Variants in KIAA0513 observed in about 807,000 individuals in gnomAD.
KIAA0513 encodes KIAA0513.
In KIAA0513, 39 loss-of-function variants were observed where a neutral mutation model predicts 56.5. That is an observed-to-expected ratio of 0.69 (90% CI 0.53 to 0.90). The LOEUF is 0.90. Among genes scored for constraint, KIAA0513 ranks in the 40% least tolerant of loss-of-function variants. KIAA0513 has a pLI of 0.00. For synonymous variants in KIAA0513, 268 were observed against 215.6 expected (o/e 1.24, Z -2.13); for missense variants, 591 against 535.2 (o/e 1.10, Z -1.03).
At chr16:85,045,720 G>T (rs188660923) in intron 1 of KIAA0513, among the ~76,000 whole-genome samples, 33 of 152,308 alleles carry the variant, frequency 2.2e-4, no homozygotes, top group Admixed American at 5.2e-4. Flanking sequence ...TGAAGAGTCA[G>T]TGGTCCTAAG....
intron 1 of KIAA0513, among the ~76,000 whole-genome samples, chr16:85,043,721 A>T (rs1440335228): frequency 6.6e-6 from 1 of 152,002 alleles, no homozygotes; most frequent in Middle Eastern, 3.2e-3. Context: ...CCAGGAAATG[A>T]TGTTTAATGG....
intron 1 of KIAA0513, among the ~76,000 whole-genome samples, chr16:85,061,370 G>A (rs1017843258): frequency 2.6e-5 from 4 of 152,174 alleles, no homozygotes; most frequent in Non-Finnish European, 5.9e-5. Context: ...CAGGGCCCCT[G>A]GTTCTCCAGC....
chr16:85,060,805 C>G (rs910659641), intron 1 of KIAA0513, among the ~76,000 whole-genome samples: 1 of 150,720 alleles, frequency 6.6e-6, no homozygotes, highest in African/African-American at 2.5e-5. Flanking sequence ...GATTGCACCA[C>G]TCTACTTCAG....
chr16:85,052,961 G>A (rs1470923037), intron 1 of KIAA0513, among the ~76,000 whole-genome samples: 1 of 152,038 alleles, frequency 6.6e-6, no homozygotes, highest in Non-Finnish European at 1.5e-5. Context: ...CACGATCTCG[G>A]CTCACTGCAA....
intron 1 of KIAA0513, among the ~76,000 whole-genome samples, chr16:85,037,015 C>T (rs892181201): frequency 3.3e-5 from 5 of 152,038 alleles, no homozygotes; most frequent in Non-Finnish European, 7.4e-5. Context: ...GGACCCATAG[C>T]ACTGTAGGAA....
At position 85,067,118 on chromosome 16, in the gene KIAA0513, C is replaced by G; in HGVS notation, c.47C>G (p.Pro16Arg). ...GTGGGCTCGCTAATCGACTTTGGGC[C>G]TGAGGCACCCACCTCTTCTCCCCTG... ...VPVGSLIDFGPEAPTSSPLEA... is the reference protein window; with the variant it reads ...VPVGSLIDFGREAPTSSPLEA... Residue 16 changes from proline (P) to arginine (R), a missense_variant, in exon 2 of 13, where the codon CCT (proline) becomes CGT (arginine). Pro to Arg is a moderately radical substitution (Grantham distance 103). Transcript: ENST00000683363. 1 of 1,611,120 alleles carries G rather than the reference C, an allele frequency of 6.2e-7. No individual in the cohort carries two copies. The highest frequency in any genetic ancestry group is 1.1e-5 in the South Asian group (1 of 90,816).
At chr16:85,071,324 C>T (rs1007448417) in intron 2 of KIAA0513, among the ~76,000 whole-genome samples, 2 of 152,318 alleles carry the variant, frequency 1.3e-5, no homozygotes, top group African/African-American at 2.4e-5. Context: ...CAGACCTTGG[C>T]GTCAGTATGC....
intron 1 of KIAA0513, among the ~76,000 whole-genome samples, chr16:85,065,079 C>T (rs1008841015): frequency 6.6e-6 from 1 of 152,220 alleles, no homozygotes; most frequent in Non-Finnish European, 1.5e-5. Context: ...ATTTGTAGTA[C>T]AGACAGCACT....
chr16:85,033,863 G>C (rs969518899), intron 1 of KIAA0513, among the ~76,000 whole-genome samples: 6 of 152,126 alleles, frequency 3.9e-5, no homozygotes, highest in African/African-American at 1.4e-4. Context: ...GTCGTAGTTT[G>C]TCTCTCCCTG....
In KIAA0513 at chr16:85,033,787, G is replaced by A. The variant is rs886149282; in HGVS notation, c.-173+5929G>A. Among the ~76,000 whole-genome samples, 4 of 152,264 alleles carry A rather than the reference G, an allele frequency of 2.6e-5. 1 individual carries two copies. Among genetic ancestry groups the A allele is most frequent in the Admixed American group, 2.0e-4 (3 of 15,282 alleles). On this transcript the variant is annotated intron_variant, in intron 1 of 12. Coordinates refer to ENST00000683363, the MANE Select transcript of KIAA0513 (RefSeq NM_001388359.1). The stretch of plus-strand genomic sequence containing the variant: ...TGTCACCCAGATACTCAATATGCCC[G>A]TCTTTATTTATTTTTGACTAAGTAA...
intron 1 of KIAA0513, among the ~76,000 whole-genome samples, chr16:85,055,634 G>T (rs151156988): frequency 3.3e-4 from 50 of 152,316 alleles, no homozygotes; most frequent in African/African-American, 1.1e-3. Flanking sequence ...CTTGCAGAGT[G>T]TCGTGTTGGT....
chr16:85,050,478 G>A (rs1303852582), intron 1 of KIAA0513, among the ~76,000 whole-genome samples: 3 of 151,876 alleles, frequency 2.0e-5, no homozygotes, highest in Non-Finnish European at 4.4e-5. Flanking sequence ...GCCTTGGGAG[G>A]CTAATTTTTG....
intron 1 of KIAA0513, among the ~76,000 whole-genome samples, chr16:85,039,277 A>G (rs779963789): frequency 1.3e-5 from 2 of 152,186 alleles, no homozygotes; most frequent in African/African-American, 2.4e-5. Flanking sequence ...GTAGGGACTT[A>G]TGTATCATCA....
intron 2 of KIAA0513, 119 bp downstream of exon 2, chr16:85,067,519 C>G (rs186836576): frequency 1.3e-6 from 1 of 794,750 alleles, no homozygotes; most frequent in East Asian, 2.7e-5. Flanking sequence ...CTTCCATTTC[C>G]CCATCAGCCA....
At chr16:85,051,596 C>A (rs1349513228) in intron 1 of KIAA0513, among the ~76,000 whole-genome samples, 2 of 152,136 alleles carry the variant, frequency 1.3e-5, no homozygotes, top group African/African-American at 2.4e-5. Context: ...TCCTTCTGAG[C>A]CACATAGAAT....
chr16:85,086,052 G>A (rs951396023), intron 10 of KIAA0513, among the ~76,000 whole-genome samples: 7 of 152,254 alleles, frequency 4.6e-5, no homozygotes, highest in African/African-American at 1.7e-4. Flanking sequence ...AACCGCAGCT[G>A]AGCAGGGCAC....
chr16:85,075,792 G>T, intron 4 of KIAA0513, 52 bp from the exon 5 acceptor site: 2 of 1,553,728 alleles, frequency 1.3e-6, no homozygotes, highest in Non-Finnish European at 1.8e-6. Flanking sequence ...CCGACTTGCA[G>T]GAAGAAGCAG....
intron 1 of KIAA0513, among the ~76,000 whole-genome samples, chr16:85,058,940 A>G (rs879428180): frequency 3.3e-5 from 5 of 152,290 alleles, no homozygotes; most frequent in African/African-American, 4.8e-5. Flanking sequence ...CTACTGCCCA[A>G]CTGCCATAAT....
chr16:85,072,943 G>A lies in KIAA0513; in HGVS notation c.448G>A (p.Val150Ile). ...TGGACAGCGCTGCAACTCCAAGTGTGTCTCAGAGGCAACCTTCTACCGCCT... is the reference window on the plus strand; with the variant it reads ...TGGACAGCGCTGCAACTCCAAGTGTATCTCAGAGGCAACCTTCTACCGCCT... ...VSAQRCNSKC[V>I]SEATFYRLVQ... is the part of the protein sequence containing the mutation. Residue 150 changes from valine (V) to isoleucine (I), a missense_variant, in exon 4 of 13, where the codon GTC becomes ATC. Val to Ile is a conservative substitution (Grantham distance 29). Transcript: ENST00000683363. The A allele has an allele frequency of 6.2e-7, 1 of 1,614,206 alleles. No homozygotes were observed. The highest frequency in any genetic ancestry group is 8.5e-7 in the Non-Finnish European group (1 of 1,180,022).
Sources: gnomAD v4.1 joint callset for allele counts (sites outside exome capture counted in the v4.1 genomes callset) on GRCh38, gnomAD v4.1.1 for gene constraint, MANE v1.5 for transcripts, NCBI Gene and HGNC (gene_info 2026-07-23, HGNC 2026-07-21) for gene names.